Variants in FAM186A observed in about 807,000 individuals in gnomAD.
FAM186A encodes protein FAM186A.
FAM186A carries 163 observed loss-of-function variants against 216.8 expected under a neutral mutation model. That is an observed-to-expected ratio of 0.75 (90% confidence interval 0.66 to 0.86). The LOEUF (loss-of-function observed/expected upper bound fraction) is 0.86. Ranked by LOEUF, FAM186A falls within the 40% of genes least tolerant of loss-of-function variation. The pLI is 0.00. For synonymous variants in FAM186A, 805 were observed against 1,025.3 expected (o/e 0.79, Z 4.10); for missense variants, 2,184 against 2,746.2 (o/e 0.80, Z 4.58).
intron 1 of FAM186A, among the ~76,000 whole-genome samples, chr12:50,379,015 A>C (rs1225625363): frequency 1.3e-5 from 2 of 152,228 alleles, no homozygotes; most frequent in African/African-American, 4.8e-5. Flanking sequence ...ATTTAAAAGA[A>C]TAAAGAAGGC....
chr12:50,353,756 C>G lies in FAM186A; in HGVS notation c.3076G>C (p.Gly1026Arg), dbSNP rs568327662. ...VLKDVQRSYE[G>R]KEFQRNLKTL... is the part of the protein sequence containing the mutation. ...TTCAGATTCCTCTGAAACTCTTTTCCTTCATATGACCGCTGTACATCTTTC... is the reference window on the plus strand; with the variant it reads ...TTCAGATTCCTCTGAAACTCTTTTCGTTCATATGACCGCTGTACATCTTTC... The change falls in exon 4 of 8, where the codon GGA (glycine) becomes CGA (arginine). Residue 1026 changes from glycine (G) to arginine (R), a missense_variant. Gly to Arg is a moderately radical substitution (Grantham distance 125). This residue lies in a region of FAM186A where 1,132 missense variants were observed against 1,263.4 expected (regional missense o/e 0.90). Transcript: ENST00000327337. 8 of 1,550,748 alleles carry G rather than the reference C, an allele frequency of 5.2e-6. No individual in the cohort carries two copies. The highest frequency in any genetic ancestry group is 3.9e-5 in the Admixed American group (2 of 50,800).
intron 1 of FAM186A, 112 bp downstream of exon 1, chr12:50,396,181 T>C (rs1943410702): frequency 9.6e-7 from 1 of 1,046,718 alleles, no homozygotes; most frequent in Non-Finnish European, 1.3e-6. Context: ...AAAGCTACCC[T>C]AAATACAGTC....
chr12:50,354,894 C>A lies in FAM186A; in HGVS notation c.1938G>T (p.Val646=). The A allele has an allele frequency of 6.4e-7, 1 of 1,550,586 alleles. No individual in the cohort carries two copies. Among genetic ancestry groups the A allele is most frequent in the Non-Finnish European group, 8.7e-7 (1 of 1,146,876 alleles). The change falls in exon 4 of 8, where the codon GTG becomes GTT. Residue 646 remains valine (V), a synonymous_variant. Transcript: ENST00000327337. ...SHQLVKSLSR[V]AKETSESTRV... ...TGGTAGATTCTGAAGTCTCTTTAGCCACTCTTGAGAGTGATTTAACAAGTT... is the reference window on the plus strand; with the variant it reads ...TGGTAGATTCTGAAGTCTCTTTAGCAACTCTTGAGAGTGATTTAACAAGTT...
chr12:50,389,343 A>G (rs1204768806), intron 1 of FAM186A, among the ~76,000 whole-genome samples: 1 of 152,156 alleles, frequency 6.6e-6, no homozygotes, highest in East Asian at 1.9e-4. Flanking sequence ...TCTACTAAAA[A>G]TACAAAATTA....
intron 4 of FAM186A, among the ~76,000 whole-genome samples, chr12:50,344,148 C>G (rs1942790699): frequency 6.6e-6 from 1 of 151,062 alleles, no homozygotes; most frequent in Admixed American, 6.6e-5. Context: ...TCAGAGGGTA[C>G]ATATGCAGGT....
intron 1 of FAM186A, among the ~76,000 whole-genome samples, chr12:50,390,144 CTTTT>C (rs1465589298): frequency 6.6e-6 from 1 of 152,118 alleles, no homozygotes; most frequent in Non-Finnish European, 1.5e-5. Context: ...TGAGCTAAAG[CTTTT>C]TTGATTAATG....
chr12:50,342,535 C>T (rs1324904070), intron 4 of FAM186A, among the ~76,000 whole-genome samples: 1 of 150,780 alleles, frequency 6.6e-6, no homozygotes, highest in Non-Finnish European at 1.5e-5. Context: ...AGTGCAGTGG[C>T]ATGATCTCGG....
chr12:50,393,153 C>T (rs962864389), intron 1 of FAM186A, among the ~76,000 whole-genome samples: 1 of 151,780 alleles, frequency 6.6e-6, no homozygotes, highest in Non-Finnish European at 1.5e-5. Flanking sequence ...GTCTCGATCT[C>T]CCGACCTCGT....
At chr12:50,335,060 G>A (rs1942694171) in intron 4 of FAM186A, among the ~76,000 whole-genome samples, 1 of 152,060 alleles carries the variant, frequency 6.6e-6, no homozygotes. Context: ...CCAGGAGTCT[G>A]TGACCAGCTT....
At chr12:50,328,494 G>A (rs1233351121) in intron 7 of FAM186A, among the ~76,000 whole-genome samples, 1 of 151,866 alleles carries the variant, frequency 6.6e-6, no homozygotes, top group Non-Finnish European at 1.5e-5. Flanking sequence ...GAAACATATA[G>A]TAGGTTTTAT....
intron 1 of FAM186A, among the ~76,000 whole-genome samples, chr12:50,375,092 C>T (rs779954454): frequency 1.1e-4 from 17 of 152,104 alleles, no homozygotes; most frequent in Non-Finnish European, 1.9e-4. Context: ...GCATGAGAAT[C>T]GCTTGAACCC....
intron 2 of FAM186A, 111 bp downstream of exon 2, chr12:50,363,034 C>T: frequency 2.2e-6 from 2 of 903,698 alleles, no homozygotes; most frequent in Non-Finnish European, 3.2e-6. Flanking sequence ...TGAATAACCT[C>T]CTTAGTCTTT....
chr12:50,355,745 C>T lies in FAM186A; in HGVS notation c.1087G>A (p.Ala363Thr). ...LPGPSPQSSR[A>T]IIKVGDTEDN... Reference sequence around the variant, plus strand: ...TCAGTATCACCAACTTTGATTATCGCCCTGGATGACTGTGGAGAAGGTCCA... The same window carrying T: ...TCAGTATCACCAACTTTGATTATCGTCCTGGATGACTGTGGAGAAGGTCCA... Residue 363 changes from alanine to threonine, a missense_variant, in exon 4 of 8, where the codon GCG (alanine) becomes ACG (threonine). By Grantham distance (58) the Ala-to-Thr change is moderately conservative. Transcript: ENST00000327337. The T allele has an allele frequency of 1.3e-6, 2 of 1,551,602 alleles. No homozygotes were observed. The highest frequency in any genetic ancestry group is 1.7e-6 in the Non-Finnish European group (2 of 1,146,986).
Position 50,363,265 on chromosome 12 carries a change from G to C in FAM186A, c.292C>G (p.Leu98Val). ...FNSSSERNVSLTEHKKKQRTN... is the reference protein window; with the variant it reads ...FNSSSERNVSVTEHKKKQRTN... ...CTCTGTTTTTTCTTATGTTCTGTAA[G>C]GGAGACATTCCTTTCAGAGGACGAG... Residue 98 changes from leucine (L) to valine (V), a missense_variant, in exon 2 of 8, where the codon CTT becomes GTT. Physicochemically the swap from Leu to Val is conservative, Grantham distance 32 (BLOSUM62 1). Around this residue, in one of 7 missense-constraint regions of FAM186A, gnomAD observed 1,132 missense variants for 1,263.4 expected, o/e 0.90. Coordinates refer to ENST00000327337, the MANE Select transcript of FAM186A (RefSeq NM_001145475.3). 1 of 1,551,512 alleles carries C rather than the reference G, an allele frequency of 6.4e-7. No individual in the cohort carries two copies. Among genetic ancestry groups the C allele is most frequent in the South Asian group, 1.2e-5 (1 of 84,064 alleles).
At chr12:50,367,810 A>G (rs1943105091) in intron 1 of FAM186A, among the ~76,000 whole-genome samples, 1 of 152,178 alleles carries the variant, frequency 6.6e-6, no homozygotes. Context: ...GAGCAATATG[A>G]AAAAGAAATT....
rs1209403782 is a variant in FAM186A, at chr12:50,333,977, C to T, written c.6630G>A (p.Glu2210=). The change falls in exon 5 of 8, where the codon GAG becomes GAA. Residue 2210 remains glutamate (E), a synonymous_variant. Transcript: ENST00000327337. ...YGKKVMQVWT[E]KQKSLGQKRN... ...GTTTCTGCCCTAGAGACTTCTGCTT[C>T]TCAGTCCAGACCTGCATCACCTTTT... The T allele has an allele frequency of 5.2e-6, 8 of 1,551,624 alleles. No individual in the cohort carries two copies. In the East Asian group the frequency reaches 1.7e-4, roughly 33 times the overall value.
At chr12:50,370,049 G>A (rs541777370) in intron 1 of FAM186A, among the ~76,000 whole-genome samples, 6 of 150,292 alleles carry the variant, frequency 4.0e-5, no homozygotes, top group African/African-American at 7.4e-5. Context: ...GCGTGAACCC[G>A]GGAGGCGGAG....
chr12:50,357,008 A>G (rs1023913152), intron 3 of FAM186A, among the ~76,000 whole-genome samples: 4 of 410 alleles, frequency 9.8e-3, no homozygotes, highest in Admixed American at 0.038. Context: ...CAACATACAT[A>G]CATACATACA....
chr12:50,387,611 C>G (rs1017956695), intron 1 of FAM186A, among the ~76,000 whole-genome samples: 1 of 152,170 alleles, frequency 6.6e-6, no homozygotes, highest in African/African-American at 2.4e-5. Context: ...TTGGTTCAAT[C>G]AGATATGATG....
Sources: gnomAD v4.1 joint callset for allele counts (sites outside exome capture counted in the v4.1 genomes callset) on GRCh38, gnomAD v4.1.1 for gene constraint, gnomAD v4.1.1 regional missense constraint, MANE v1.5 for transcripts, NCBI Gene and HGNC (gene_info 2026-07-23, HGNC 2026-07-21) for gene names.